The following POFUT3 variants were observed in gnomAD, a reference collection of about 807,000 sequenced individuals.
The protein encoded by POFUT3 is protein O-fucosyltransferase 3, also known as GDP-fucose protein O-fucosyltransferase 3.
At chr8:33,431,377 T>C in the POFUT3 span, among the ~76,000 whole-genome samples, 2 of 150,892 alleles carry the variant, frequency 1.3e-5, no homozygotes, top group Non-Finnish European at 3.0e-5. Flanking sequence ...TGAGACCCAG[T>C]GTCTACCAAA....
At chr8:33,316,578 AAG>A in the POFUT3 span, among the ~76,000 whole-genome samples, 48,870 of 149,970 alleles carry the variant, frequency 0.33, 8,432 homozygotes, top group East Asian at 0.65. Context: ...AAAAAAAAGA[AAG>A]AAAGAAAGAA....
chr8:33,431,274 C>T, the POFUT3 span, among the ~76,000 whole-genome samples: 1 of 151,916 alleles, frequency 6.6e-6, no homozygotes, highest in Non-Finnish European at 1.5e-5. Context: ...TGGCCAGGCA[C>T]GGTGGCTCAC....
chr8:33,454,171 C>G, the POFUT3 span, among the ~76,000 whole-genome samples: 1 of 152,184 alleles, frequency 6.6e-6, no homozygotes, highest in South Asian at 2.1e-4. Context: ...TGTTATCACA[C>G]AGTTCTGAAG....
the POFUT3 span, among the ~76,000 whole-genome samples, chr8:33,386,188 CAAAAAAAAA>C: frequency 2.5e-4 from 8 of 32,044 alleles, no homozygotes; most frequent in Admixed American, 4.2e-4. Context: ...GGCTCCATCT[CAAAAAAAAA>C]AAAAAAAAAA....
At chr8:33,428,775 T>C in the POFUT3 span, among the ~76,000 whole-genome samples, 3 of 152,180 alleles carry the variant, frequency 2.0e-5, no homozygotes, top group Non-Finnish European at 2.9e-5. Context: ...TCTTGCTCTC[T>C]CACTCTTTTT....
At chr8:33,440,997 A>G in the POFUT3 span, among the ~76,000 whole-genome samples, 2 of 152,170 alleles carry the variant, frequency 1.3e-5, no homozygotes, top group African/African-American at 4.8e-5. Flanking sequence ...AAGGTATATC[A>G]AACTATGACT....
chr8:33,318,581 GTATATATATTTATATAATATA>G, the POFUT3 span, among the ~76,000 whole-genome samples: 1 of 59,206 alleles, frequency 1.7e-5, no homozygotes, highest in African/African-American at 8.4e-5. Context: ...TAAATATATT[GTATATATATTTATATAATATA>G]TAAATATATT....
the POFUT3 span, among the ~76,000 whole-genome samples, chr8:33,337,706 G>A: frequency 6.6e-6 from 1 of 152,120 alleles, no homozygotes; most frequent in Non-Finnish European, 1.5e-5. Context: ...TAGATGAGAT[G>A]GATGAATTCC....
At chr8:33,397,910 G>A in the POFUT3 span, among the ~76,000 whole-genome samples, 40 of 152,194 alleles carry the variant, frequency 2.6e-4, no homozygotes, top group Non-Finnish European at 5.9e-5. Flanking sequence ...ACTCAGAGAA[G>A]CATAGGCATT....
chr8:33,410,705 G>A, the POFUT3 span, among the ~76,000 whole-genome samples: 3 of 152,280 alleles, frequency 2.0e-5, no homozygotes, highest in East Asian at 3.9e-4. Flanking sequence ...TGCACCGATA[G>A]AGCCAAACAT....
the POFUT3 span, among the ~76,000 whole-genome samples, chr8:33,316,606 G>A: frequency 6.6e-6 from 1 of 151,754 alleles, no homozygotes; most frequent in East Asian, 1.9e-4. Flanking sequence ...GCTGGGCATT[G>A]TTGCAGGCAC....
the POFUT3 span, chr8:33,461,524 G>A: frequency 2.9e-5 from 47 of 1,607,936 alleles, no homozygotes; most frequent in East Asian, 2.9e-4. Context: ...CCCAGAGCCC[G>A]AGACAACTTC....
At chr8:33,409,033 T>G in the POFUT3 span, among the ~76,000 whole-genome samples, 1 of 152,204 alleles carries the variant, frequency 6.6e-6, no homozygotes, top group Non-Finnish European at 1.5e-5. Context: ...TTTAGGGATG[T>G]CGTTGGTGGG....
At chr8:33,404,196 G>A in the POFUT3 span, among the ~76,000 whole-genome samples, 1 of 152,162 alleles carries the variant, frequency 6.6e-6, no homozygotes, top group African/African-American at 2.4e-5. Context: ...AAATTACTCA[G>A]GTGTGGTGGT....
chr8:33,315,690 G>C, the POFUT3 span, among the ~76,000 whole-genome samples: 2 of 152,088 alleles, frequency 1.3e-5, no homozygotes, highest in Non-Finnish European at 1.5e-5. Context: ...TGTTCCAGCT[G>C]TTCCTGGAGG....
chr8:33,427,112 G>A, the POFUT3 span, among the ~76,000 whole-genome samples: 1 of 152,156 alleles, frequency 6.6e-6, no homozygotes. Context: ...CTTTGGCCCA[G>A]GTGCTCACTT....
the POFUT3 span, among the ~76,000 whole-genome samples, chr8:33,363,535 A>G: frequency 3.9e-5 from 6 of 152,192 alleles, no homozygotes; most frequent in Non-Finnish European, 8.8e-5. Flanking sequence ...AGACTAATAA[A>G]GAAGAAAAGA....
chr8:33,444,944 T>TG, the POFUT3 span, among the ~76,000 whole-genome samples: 3 of 148,806 alleles, frequency 2.0e-5, no homozygotes, highest in African/African-American at 7.5e-5. Context: ...TTTTTTTTTT[T>TG]TTTTTTTGAG....
chr8:33,451,396 A>ATATACATGTGTACATG, the POFUT3 span, among the ~76,000 whole-genome samples: 1 of 152,052 alleles, frequency 6.6e-6, no homozygotes, highest in South Asian at 2.1e-4. Flanking sequence ...GTATGTATGT[A>ATATACATGTGTACATG]TATACATGTG....
Sources: allele counts gnomAD v4.1 joint callset (sites outside exome capture counted in the v4.1 genomes callset), GRCh38; gene constraint gnomAD v4.1.1; transcripts MANE v1.5; gene names NCBI Gene and HGNC (gene_info 2026-07-23, HGNC 2026-07-21).